CACHD1: variants seen among roughly 807,000 people sequenced by gnomAD.
CACHD1 encodes cache domain containing 1, also known as VWFA and cache domain-containing protein 1.
CACHD1 carries 71 observed loss-of-function variants against 138.7 expected under a neutral mutation model. That is an observed-to-expected ratio of 0.51 (90% CI 0.42 to 0.62). The LOEUF (loss-of-function observed/expected upper bound fraction) is 0.62. Among genes scored for constraint, CACHD1 ranks in the 20% least tolerant of loss-of-function variants. The pLI is 0.00. For synonymous variants in CACHD1, 578 were observed against 591.5 expected (o/e 0.98, Z 0.33); for missense variants, 1,389 against 1,625.3 (o/e 0.85, Z 2.50).
intron 3 of CACHD1, among the ~76,000 whole-genome samples, chr1:64,588,633 C>T (rs1459006152): frequency 1.3e-5 from 2 of 152,176 alleles, no homozygotes; most frequent in African/African-American, 4.8e-5. Flanking sequence ...CCGCCTCAGC[C>T]TCCCAAAGTG....
intron 3 of CACHD1, among the ~76,000 whole-genome samples, chr1:64,585,870 G>A (rs1311188246): frequency 2.0e-5 from 3 of 152,140 alleles, no homozygotes. Flanking sequence ...TTGAACACAA[G>A]CACTTTGTAA....
intron 24 of CACHD1, among the ~76,000 whole-genome samples, chr1:64,680,539 TG>T (rs771973759): frequency 5.8e-4 from 88 of 152,226 alleles, no homozygotes; most frequent in Non-Finnish European, 8.5e-4. Context: ...CCTATAATCA[TG>T]GCCTCAATAC....
rs76774637 is a variant in CACHD1 at position 64,495,545 on chromosome 1, T to C, written c.198+24603T>C. On this transcript the variant is annotated intron_variant, in intron 1 of 26. Coordinates refer to ENST00000651257, the MANE Select transcript of CACHD1 (RefSeq NM_020925.4). The stretch of plus-strand genomic sequence containing the variant: ...ACCACACAAAAGGGTATGTCCCCAA[T>C]GTACTTGGTCTGTCTGCCTGGATTG... Among the ~76,000 whole-genome samples, 593 of 152,306 alleles carry C rather than the reference T, an allele frequency of 3.9e-3. 2 individuals are homozygous for C. Among genetic ancestry groups the C allele is most frequent in the Non-Finnish European group, 6.1e-3 (416 of 68,006 alleles).
chr1:64,564,181 C>T (rs1646863505), intron 2 of CACHD1, among the ~76,000 whole-genome samples: 1 of 152,152 alleles, frequency 6.6e-6, no homozygotes, highest in Admixed American at 6.5e-5. Flanking sequence ...TCATGAATCC[C>T]CTCCCTGGGA....
intron 1 of CACHD1, among the ~76,000 whole-genome samples, chr1:64,545,583 CCA>C (rs915514253): frequency 6.6e-6 from 1 of 152,160 alleles, no homozygotes; most frequent in Admixed American, 6.5e-5. Flanking sequence ...TGCGAATTCA[CCA>C]CAGTTTAATT....
Position 64,663,733 on chromosome 1 carries a change from T to A in CACHD1, c.1990T>A (p.Ser664Thr), listed in dbSNP as rs770509207. 1 of 1,613,730 alleles carries A rather than the reference T, an allele frequency of 6.2e-7. No homozygotes were observed. The highest frequency in any genetic ancestry group is 2.2e-5 in the East Asian group (1 of 44,852). Residue 664 changes from serine (S) to threonine (T), a missense_variant, in exon 14 of 27, where the codon TCC (serine) becomes ACC (threonine). Coordinates refer to ENST00000651257, the MANE Select transcript of CACHD1 (RefSeq NM_020925.4). ...TIMLSAGSFSSPYEHLSQPET... is the reference protein window; with the variant it reads ...TIMLSAGSFSTPYEHLSQPET... Reference sequence around the variant, plus strand: ...CATGCTGTCTGCTGGCAGCTTTTCCTCCCCCTATGAGCACCTCAGCCAGCC... The same window carrying A: ...CATGCTGTCTGCTGGCAGCTTTTCCACCCCCTATGAGCACCTCAGCCAGCC...
intron 1 of CACHD1, among the ~76,000 whole-genome samples, chr1:64,497,774 C>T (rs1646313959): frequency 6.6e-6 from 1 of 152,174 alleles, no homozygotes; most frequent in African/African-American, 2.4e-5. Context: ...GGGCATTCCT[C>T]CTTTCTCCAG....
rs566834064 is a variant in CACHD1 at position 64,608,012 on chromosome 1, G to C, written c.517+5100G>C. 1.6e-3 allele frequency among the ~76,000 whole-genome samples: 238 copies of C among 152,246 alleles called. 3 individuals are homozygous for C. The highest frequency in any genetic ancestry group is 5.5e-3 in the African/African-American group (229 of 41,534). On this transcript the variant is annotated intron_variant, in intron 4 of 26. Coordinates refer to ENST00000651257, the MANE Select transcript of CACHD1 (RefSeq NM_020925.4). ...AGTTCAGATAGTTTGAAAATTCAGAGGGTGGGGAAGAAGAGTGTGGAGAGG... is the reference window on the plus strand; with the variant it reads ...AGTTCAGATAGTTTGAAAATTCAGACGGTGGGGAAGAAGAGTGTGGAGAGG...
At chr1:64,589,052 C>T (rs1187815846) in intron 3 of CACHD1, among the ~76,000 whole-genome samples, 1 of 152,142 alleles carries the variant, frequency 6.6e-6, no homozygotes, top group Non-Finnish European at 1.5e-5. Flanking sequence ...AGCCAGCCAC[C>T]TGGAGCTGGA....
chr1:64,692,872 C>A lies in CACHD1; in HGVS notation c.*1311C>A, dbSNP rs1186499681. ...GTAAAGAATGTGTGTGGTAAATCTC[C>A]GTTTATATGTAGTTGGAAAAAATTC... is the stretch of plus-strand genomic sequence containing the variant. On this transcript the variant is annotated 3_prime_UTR_variant, in exon 27 of 27. Transcript: ENST00000651257. 6.6e-6 allele frequency: 1 copy of A among 152,430 alleles called. No individual in the cohort carries two copies. The highest frequency in any genetic ancestry group is 2.4e-5 in the African/African-American group (1 of 41,370). The allele number at this position is 152,430 out of a possible 1,614,324, so 9.4% of individuals were successfully genotyped here.
At chr1:64,617,689 G>A (rs1647761260) in intron 4 of CACHD1, among the ~76,000 whole-genome samples, 1 of 152,184 alleles carries the variant, frequency 6.6e-6, no homozygotes, top group Non-Finnish European at 1.5e-5. Flanking sequence ...GATCAATGTG[G>A]TGGCAGATCA....
At chr1:64,582,436 C>A (rs1476072726) in intron 3 of CACHD1, 132 bp downstream of exon 3, 3 of 773,694 alleles carry the variant, frequency 3.9e-6, no homozygotes, top group Non-Finnish European at 6.0e-6. Flanking sequence ...TTAAGATAAG[C>A]CCTTTATCTT....
chr1:64,660,505 C>G (rs1011221531), intron 13 of CACHD1, among the ~76,000 whole-genome samples: 1 of 151,538 alleles, frequency 6.6e-6, no homozygotes, highest in African/African-American at 2.4e-5. Context: ...TACTTTAATA[C>G]TACTTTTTGC....
At chr1:64,517,415 A>G (rs979162671) in intron 1 of CACHD1, among the ~76,000 whole-genome samples, 1 of 152,196 alleles carries the variant, frequency 6.6e-6, no homozygotes, top group Admixed American at 6.6e-5. Flanking sequence ...TAAAAAAGAA[A>G]TAAAGGAGAA....
At chr1:64,531,818 A>G (rs1646589341) in intron 1 of CACHD1, among the ~76,000 whole-genome samples, 1 of 152,162 alleles carries the variant, frequency 6.6e-6, no homozygotes, top group Non-Finnish European at 1.5e-5. Context: ...GTGGTGGGAA[A>G]ATCTTCCATG....
chr1:64,488,647 A>G (rs1646256983), intron 1 of CACHD1, among the ~76,000 whole-genome samples: 1 of 152,198 alleles, frequency 6.6e-6, no homozygotes, highest in South Asian at 2.1e-4. Flanking sequence ...TCTCTTAGTT[A>G]CAAGACTGAG....
rs1334502156 is a variant in CACHD1, at chr1:64,653,887, G to A, written c.1664+6G>A. On this transcript the variant is annotated splice_donor_region_variant and intron_variant, in intron 11 of 26. Coordinates refer to ENST00000651257, the MANE Select transcript of CACHD1 (RefSeq NM_020925.4). ...GTTCGGCAAAATATCCTAAGGTAAG[G>A]AAAAGGTGAGGGTCATAGGATTGTT... 2 of 1,611,714 alleles carry A rather than the reference G, an allele frequency of 1.2e-6. No individual in the cohort carries two copies. The highest frequency in any genetic ancestry group is 1.1e-5 in the South Asian group (1 of 91,000).
At chr1:64,553,226 C>T (rs888751716) in intron 2 of CACHD1, among the ~76,000 whole-genome samples, 1 of 152,168 alleles carries the variant, frequency 6.6e-6, no homozygotes, top group Non-Finnish European at 1.5e-5. Context: ...AATTTGCTAT[C>T]ACTTCATTAT....
At chr1:64,645,716 G>GC (rs1648879753) in intron 8 of CACHD1, among the ~76,000 whole-genome samples, 1 of 152,110 alleles carries the variant, frequency 6.6e-6, no homozygotes, top group Non-Finnish European at 1.5e-5. Context: ...GTGGCTGCCA[G>GC]CCCCCGTGCA....
Sources: gnomAD v4.1 joint callset for allele counts (sites outside exome capture counted in the v4.1 genomes callset) on GRCh38, gnomAD v4.1.1 for gene constraint, MANE v1.5 for transcripts, NCBI Gene and HGNC (gene_info 2026-07-23, HGNC 2026-07-21) for gene names.